The following PTBP3 variants were observed in gnomAD, a reference collection of about 807,000 sequenced individuals.
PTBP3 encodes polypyrimidine tract-binding protein 3.
A neutral mutation model predicts 58.7 loss-of-function variants in PTBP3; 20 were observed. The observed-to-expected ratio is 0.34, with a 90% CI of 0.24 to 0.50. PTBP3 has a LOEUF of 0.50. Among genes scored for constraint, PTBP3 ranks in the 20% least tolerant of loss-of-function variants. The probability of loss-of-function intolerance (pLI) is 0.98; values close to 1 mark genes in which losing one functional copy is unlikely to be tolerated. For missense variants in PTBP3, 509 were observed against 637.2 expected, an observed-to-expected ratio of 0.80 and a Z score of 2.17; for synonymous variants, 185 against 219.8, an observed-to-expected ratio of 0.84 and a Z score of 1.40.
intron 2 of PTBP3, among the ~76,000 whole-genome samples, chr9:112,280,405 T>A (rs1164461972): frequency 1.3e-5 from 2 of 152,104 alleles, no homozygotes; most frequent in Non-Finnish European, 2.9e-5. Flanking sequence ...CTAGCCAGGA[T>A]TTTCTGTCTG....
chr9:112,333,067 C>T (rs1830444027), intron 1 of PTBP3: 1 of 1,271,642 alleles, frequency 7.9e-7, no homozygotes, highest in Non-Finnish European at 9.9e-7. Flanking sequence ...GACGCCCGCC[C>T]CGCGCGCCGC....
the PTBP3 span, among the ~76,000 whole-genome samples, chr9:112,370,425 T>C: frequency 6.6e-5 from 10 of 152,184 alleles, no homozygotes; most frequent in Non-Finnish European, 1.3e-4. Flanking sequence ...CCTGTGGTCC[T>C]AGCTACTCAG....
intron 7 of PTBP3, among the ~76,000 whole-genome samples, chr9:112,247,631 C>T (rs1298450145): frequency 6.6e-6 from 1 of 151,960 alleles, no homozygotes; most frequent in Non-Finnish European, 1.5e-5. Flanking sequence ...GCAGGAGGAT[C>T]GCTTGAGCCC....
rs555320549 is a variant in PTBP3 at position 112,320,343 on chromosome 9, AATG to A, written c.-52+13124_-52+13126del. On this transcript the variant is annotated intron_variant, in intron 1 of 13. Transcript: ENST00000374257. ...TTTTTTAAGTGTTATCACCAGAAAA[AATG>A]ATAAGTGACAATGCATATGTTAATT... Among the ~76,000 whole-genome samples the A allele has an allele frequency of 9.9e-3, 376 of 37,922 alleles. 2 individuals are homozygous for A. Among genetic ancestry groups the A allele is most frequent in the Non-Finnish European group, 9.1e-3 (222 of 24,474 alleles). 24.9% of individuals were successfully genotyped at this position (37,922 alleles called of 152,430 possible). A position where few individuals can be genotyped will look rare whatever the true frequency, so the allele number is the denominator to read the frequency against.
intron 12 of PTBP3, among the ~76,000 whole-genome samples, chr9:112,226,907 A>G (rs565132203): frequency 1.4e-4 from 22 of 152,368 alleles, no homozygotes; most frequent in African/African-American, 5.3e-4. Flanking sequence ...TAACTAAAGC[A>G]CACATACAAC....
chr9:112,367,316 T>G, the PTBP3 span, among the ~76,000 whole-genome samples: 1 of 152,240 alleles, frequency 6.6e-6, no homozygotes, highest in Non-Finnish European at 1.5e-5. Flanking sequence ...ATGTTATACT[T>G]GCATGTTTTC....
At chr9:112,324,740 T>TA (rs950883122) in intron 1 of PTBP3, among the ~76,000 whole-genome samples, 11 of 150,154 alleles carry the variant, frequency 7.3e-5, no homozygotes, top group Admixed American at 2.0e-4. Flanking sequence ...ATTAAGCACA[T>TA]AAAAAACTCA....
chr9:112,247,268 T>TAATA (rs67113136), intron 7 of PTBP3, among the ~76,000 whole-genome samples: 3,521 of 144,094 alleles, frequency 0.024, 60 homozygotes, highest in African/African-American at 0.047. Context: ...CCTGTTTCAA[T>TAATA]AATAAATAAA....
upstream of PTBP3, among the ~76,000 whole-genome samples, chr9:112,335,114 C>A (rs1453350299): frequency 6.6e-6 from 1 of 152,084 alleles, no homozygotes. Flanking sequence ...TTTAGCTACA[C>A]AAGTAATATC....
the PTBP3 span, among the ~76,000 whole-genome samples, chr9:112,344,235 A>T: frequency 6.6e-6 from 1 of 152,104 alleles, no homozygotes; most frequent in Non-Finnish European, 1.5e-5. Flanking sequence ...CTACAGTTTA[A>T]ATAGTATTTG....
intron 2 of PTBP3, among the ~76,000 whole-genome samples, chr9:112,289,166 G>C (rs889074178): frequency 6.6e-6 from 1 of 152,074 alleles, no homozygotes; most frequent in Non-Finnish European, 1.5e-5. Flanking sequence ...TATAAGGAGG[G>C]GGTATGTTCT....
chr9:112,337,797 C>A (rs1190160523), upstream of PTBP3, among the ~76,000 whole-genome samples: 1 of 152,204 alleles, frequency 6.6e-6, no homozygotes, highest in African/African-American at 2.4e-5. Context: ...GAACACTTGC[C>A]TTAAGGCATT....
intron 1 of PTBP3, among the ~76,000 whole-genome samples, chr9:112,328,256 A>G (rs1289774896): frequency 6.6e-6 from 1 of 152,236 alleles, no homozygotes; most frequent in African/African-American, 2.4e-5. Context: ...TATGAGCCTT[A>G]CTGGCCTCTT....
At position 112,220,709 on chromosome 9, in the gene PTBP3, A is replaced by G; in HGVS notation, c.*3142T>C. The G allele has an allele frequency of 1.0e-6, 1 of 985,266 alleles. No individual in the cohort carries two copies. Among genetic ancestry groups the G allele is most frequent in the South Asian group, 4.7e-5 (1 of 21,352 alleles). 61.0% of individuals were successfully genotyped at this position (985,266 alleles called of 1,614,324 possible). A position where few individuals can be genotyped will look rare whatever the true frequency, so the allele number is the denominator to read the frequency against. ...CATTTTTCTATTTGTATGTTACACA[A>G]AACACATTTTACTGCTATGCAAATT... On this transcript the variant is annotated 3_prime_UTR_variant, in exon 14 of 14. Coordinates refer to ENST00000374257, the MANE Select transcript of PTBP3 (RefSeq NM_001163788.4).
At chr9:112,322,293 G>A (rs1161937227) in intron 1 of PTBP3, among the ~76,000 whole-genome samples, 1 of 152,090 alleles carries the variant, frequency 6.6e-6, no homozygotes, top group Admixed American at 6.6e-5. Context: ...CCAATCTAGG[G>A]AATGGGTATT....
At chr9:112,339,290 C>CAAAAAAAAA in the PTBP3 span, among the ~76,000 whole-genome samples, 1 of 71,714 alleles carries the variant, frequency 1.4e-5, no homozygotes, top group Non-Finnish European at 2.6e-5. Flanking sequence ...GACTCTGTCT[C>CAAAAAAAAA]AAAAAAAAAA....
Position 112,219,002 on chromosome 9 carries a change from G to A in PTBP3, c.*4849C>T, listed in dbSNP as rs1834715263. On this transcript the variant is annotated 3_prime_UTR_variant, in exon 14 of 14. Transcript: ENST00000374257. ...AGTACTGAAAATGCCCATCAAACTC[G>A]TCATCCTAATCCATTCTGTTCACAC... The A allele has an allele frequency of 6.6e-6, 1 of 151,992 alleles. No homozygotes were observed. Among genetic ancestry groups the A allele is most frequent in the Admixed American group, 6.6e-5 (1 of 15,210 alleles). 9.4% of individuals were successfully genotyped at this position (151,992 alleles called of 1,614,324 possible). A position where few individuals can be genotyped will look rare whatever the true frequency, so the allele number is the denominator to read the frequency against.
chr9:112,281,933 T>C (rs1454230804), intron 2 of PTBP3, among the ~76,000 whole-genome samples: 1 of 152,156 alleles, frequency 6.6e-6, no homozygotes, highest in Non-Finnish European at 1.5e-5. Flanking sequence ...AAGCCCAAGA[T>C]CAAGCATTTC....
the PTBP3 span, among the ~76,000 whole-genome samples, chr9:112,353,495 C>T: frequency 1.3e-5 from 2 of 151,528 alleles, no homozygotes; most frequent in African/African-American, 4.9e-5. Flanking sequence ...ATCCACCCAC[C>T]TCGGCCTCCC....
Sources: allele counts gnomAD v4.1 joint callset (sites outside exome capture counted in the v4.1 genomes callset), GRCh38; gene constraint gnomAD v4.1.1; transcripts MANE v1.5; gene names NCBI Gene and HGNC (gene_info 2026-07-23, HGNC 2026-07-21).